The following SMOC2 variants were observed in gnomAD, a reference collection of about 807,000 sequenced individuals.
SMOC2 encodes the protein SPARC-related modular calcium-binding protein 2.
A neutral mutation model predicts 61.4 loss-of-function variants in SMOC2; 39 were observed. The ratio of observed to expected loss-of-function variants is 0.64; its 90% CI spans 0.49 to 0.83. SMOC2 has a LOEUF of 0.83. Among genes scored for constraint, SMOC2 ranks in the 40% least tolerant of loss-of-function variants. The pLI is 0.00. For synonymous variants in SMOC2, 247 were observed against 239.9 expected (o/e 1.03, Z -0.27); for missense variants, 556 against 592.9 (o/e 0.94, Z 0.65).
At chr6:168,618,930 G>A (rs1786174397) in intron 9 of SMOC2, among the ~76,000 whole-genome samples, 1 of 151,950 alleles carries the variant, frequency 6.6e-6, no homozygotes, top group African/African-American at 2.4e-5. Flanking sequence ...TGAAATTATG[G>A]GCTGCATTTT....
Position 168,547,143 on chromosome 6 carries a change from A to C in SMOC2, c.536A>C (p.Glu179Ala). The change falls in exon 6 of 13, where the codon GAG becomes GCG. Residue 179 changes from glutamate (E) to alanine (A), a missense_variant. Coordinates refer to ENST00000356284, the MANE Select transcript of SMOC2 (RefSeq NM_001166412.2). Reference sequence around the variant, plus strand: ...GATGATGCCGCAGCTCCAGCGTTGGAGACTCAGCCTCAAGGAGATGAAGAA... The same window carrying C: ...GATGATGCCGCAGCTCCAGCGTTGGCGACTCAGCCTCAAGGAGATGAAGAA... ...KTDDAAAPAL[E>A]TQPQGDEEDI... The C allele has an allele frequency of 6.2e-7, 1 of 1,614,052 alleles. No homozygotes were observed. Among genetic ancestry groups the C allele is most frequent in the Non-Finnish European group, 8.5e-7 (1 of 1,180,008 alleles).
At chr6:168,555,084 C>G (rs1449740088) in intron 7 of SMOC2, among the ~76,000 whole-genome samples, 1 of 152,224 alleles carries the variant, frequency 6.6e-6, no homozygotes, top group African/African-American at 2.4e-5. Context: ...GCTCAGCGCT[C>G]GCCTGCAAGC....
intron 1 of SMOC2, among the ~76,000 whole-genome samples, chr6:168,464,656 G>A (rs1035255560): frequency 6.6e-6 from 1 of 151,888 alleles, no homozygotes; most frequent in African/African-American, 2.4e-5. Flanking sequence ...AGCCACAAAT[G>A]GATAACTCCA....
At chr6:168,562,769 G>A (rs996983162) in intron 7 of SMOC2, among the ~76,000 whole-genome samples, 16 of 152,314 alleles carry the variant, frequency 1.1e-4, no homozygotes, top group Admixed American at 8.5e-4. Flanking sequence ...GTTTTATCAC[G>A]TGATGGTCCT....
At chr6:168,568,521 T>C (rs1256042524) in intron 7 of SMOC2, among the ~76,000 whole-genome samples, 1 of 152,158 alleles carries the variant, frequency 6.6e-6, no homozygotes, top group East Asian at 1.9e-4. Flanking sequence ...TGTTGGACAT[T>C]CTATGAGTCA....
At chr6:168,592,333 G>A (rs959276204) in intron 7 of SMOC2, among the ~76,000 whole-genome samples, 1 of 146,308 alleles carries the variant, frequency 6.8e-6, no homozygotes, top group African/African-American at 2.5e-5. Context: ...TCTTTCTAGA[G>A]GATCTCCGAG....
At chr6:168,509,580 T>C (rs1472059849) in intron 1 of SMOC2, among the ~76,000 whole-genome samples, 1 of 150,512 alleles carries the variant, frequency 6.6e-6, no homozygotes, top group Non-Finnish European at 1.5e-5. Flanking sequence ...AATTAGTCAA[T>C]GAATTCACAA....
At chr6:168,591,355 C>G (rs9456227) in intron 7 of SMOC2, among the ~76,000 whole-genome samples, 32,295 of 152,090 alleles carry the variant, frequency 0.21, 3,808 homozygotes, top group South Asian at 0.28. Context: ...AATAGAACTA[C>G]CTATGAAAGA....
At chr6:168,477,905 T>G (rs758249880) in intron 1 of SMOC2, among the ~76,000 whole-genome samples, 4 of 152,204 alleles carry the variant, frequency 2.6e-5, no homozygotes, top group Admixed American at 2.6e-4. Flanking sequence ...TCGATTCTTC[T>G]TACGACCCAG....
At chr6:168,615,324 C>T (rs1430260859) in intron 9 of SMOC2, among the ~76,000 whole-genome samples, 4 of 62,404 alleles carry the variant, frequency 6.4e-5, no homozygotes, top group Non-Finnish European at 1.0e-4. Context: ...GGCCTCTTCA[C>T]ACCTACAGCC....
intron 1 of SMOC2, among the ~76,000 whole-genome samples, chr6:168,470,653 G>T (rs1781949781): frequency 6.6e-6 from 1 of 151,826 alleles, no homozygotes; most frequent in South Asian, 2.1e-4. Flanking sequence ...CTCCAGTCTG[G>T]GTGACAGAGC....
intron 7 of SMOC2, among the ~76,000 whole-genome samples, chr6:168,589,448 T>C (rs375339903): frequency 6.6e-6 from 1 of 152,154 alleles, no homozygotes; most frequent in Admixed American, 6.5e-5. Flanking sequence ...ACAAAACAGA[T>C]CAGCAGCAGA....
At chr6:168,506,465 G>T (rs1013861694) in intron 1 of SMOC2, among the ~76,000 whole-genome samples, 1 of 152,208 alleles carries the variant, frequency 6.6e-6, no homozygotes, top group Non-Finnish European at 1.5e-5. Context: ...TTTTAAACAT[G>T]TTAAGATTTG....
intron 9 of SMOC2, among the ~76,000 whole-genome samples, chr6:168,643,684 A>C (rs1786951854): frequency 6.6e-6 from 1 of 152,152 alleles, no homozygotes; most frequent in Non-Finnish European, 1.5e-5. Flanking sequence ...GCTCGGCACA[A>C]AATCACCTGG....
chr6:168,550,385 C>T (rs1451414387), intron 7 of SMOC2, among the ~76,000 whole-genome samples: 1 of 152,162 alleles, frequency 6.6e-6, no homozygotes, highest in South Asian at 2.1e-4. Flanking sequence ...AAGAGTGGTT[C>T]GATTCCCCCT....
intron 9 of SMOC2, among the ~76,000 whole-genome samples, chr6:168,649,225 C>T (rs1215563464): frequency 6.6e-6 from 1 of 152,190 alleles, no homozygotes; most frequent in African/African-American, 2.4e-5. Flanking sequence ...TCCTGAGATT[C>T]CCTTTGGCGG....
chr6:168,570,770 C>T (rs773935466), intron 7 of SMOC2, among the ~76,000 whole-genome samples: 18 of 152,250 alleles, frequency 1.2e-4, no homozygotes, highest in African/African-American at 3.4e-4. Context: ...GACTAAGAAG[C>T]GTATTTTAAG....
At chr6:168,443,238 C>G (rs532658523) in intron 1 of SMOC2, among the ~76,000 whole-genome samples, 9 of 152,146 alleles carry the variant, frequency 5.9e-5, no homozygotes, top group East Asian at 1.9e-4. Flanking sequence ...GTTGGTCCCC[C>G]CTGGAAGAGC....
rs150241199 is a variant in SMOC2, at chr6:168,583,595, G to A, written c.638-15223G>A. Reference sequence around the variant, plus strand: ...CTTCCTTGCACTAATCAGCAAACTGGGGATGTTCTTCTCATAGCAGCAGCA... The same window carrying A: ...CTTCCTTGCACTAATCAGCAAACTGAGGATGTTCTTCTCATAGCAGCAGCA... On this transcript the variant is annotated intron_variant, in intron 7 of 12. Transcript: ENST00000356284. Among the ~76,000 whole-genome samples the A allele has an allele frequency of 5.7e-3, 863 of 152,276 alleles. 8 individuals are homozygous for A. The highest frequency in any genetic ancestry group is 0.018 in the African/African-American group (729 of 41,552).
Sources: allele counts gnomAD v4.1 joint callset (sites outside exome capture counted in the v4.1 genomes callset), GRCh38; gene constraint gnomAD v4.1.1; transcripts MANE v1.5; gene names NCBI Gene and HGNC (gene_info 2026-07-23, HGNC 2026-07-21).